The following ANK2 variants were observed in gnomAD, a reference collection of about 807,000 sequenced individuals.
The protein encoded by ANK2 is ankyrin-2.
Under a neutral mutation model 360.5 loss-of-function variants are expected in ANK2, and 83 were observed. That is an observed-to-expected ratio of 0.23 (90% CI 0.19 to 0.28). ANK2 has a LOEUF of 0.28. ANK2 is among the 10% of genes least tolerant of loss of function. The pLI, the probability that ANK2 is intolerant of heterozygous loss-of-function variation, is 1.00. For missense variants in ANK2, 4,201 were observed against 4,795.7 expected, an observed-to-expected ratio of 0.88 and a Z score of 3.66; for synonymous variants, 1,740 against 1,759.5, an observed-to-expected ratio of 0.99 and a Z score of 0.28.
intron 1 of ANK2, among the ~76,000 whole-genome samples, chr4:112,851,452 TC>T (rs2064973698): frequency 1.3e-5 from 2 of 152,054 alleles, no homozygotes; most frequent in South Asian, 4.1e-4. Context: ...TCCCATACCT[TC>T]TGTGGCTATC....
At chr4:112,739,069 A>T in the ANK2 span, 1 of 556,466 alleles carries the variant, frequency 1.8e-6, no homozygotes, top group Non-Finnish European at 3.4e-6. Context: ...AGAGTCACCA[A>T]CCCCAATGCC....
chr4:113,184,406 G>T lies in ANK2; in HGVS notation c.186+9889G>T, dbSNP rs554170366. Among the ~76,000 whole-genome samples the T allele has an allele frequency of 2.0e-5, 3 of 152,146 alleles. No homozygotes were observed. In the South Asian group the frequency reaches 6.2e-4, roughly 32 times the overall value. On this transcript the variant is annotated intron_variant, in intron 2 of 45. Coordinates refer to ENST00000357077, the MANE Select transcript of ANK2 (RefSeq NM_001148.6). ...TGTGACTTTGTGGAAACTATCTGGA[G>T]AAAGAAGTGGAGGGAATCTCTCCAG...
intron 17 of ANK2, 44 bp from the exon 18 acceptor site, chr4:113,282,631 T>C: frequency 6.7e-7 from 1 of 1,488,384 alleles, no homozygotes; most frequent in Non-Finnish European, 9.3e-7. Flanking sequence ...GAGCAATTGT[T>C]AATCTTACTC....
chr4:112,859,399 AT>A (rs1458270906), intron 1 of ANK2, among the ~76,000 whole-genome samples: 1 of 152,196 alleles, frequency 6.6e-6, no homozygotes, highest in Non-Finnish European at 1.5e-5. Flanking sequence ...AATTCCTGCT[AT>A]TCTTACGTGG....
chr4:113,348,101 C>A (rs2095068673), intron 35 of ANK2, 175 bp from the exon 36 acceptor site: 2 of 645,202 alleles, frequency 3.1e-6, no homozygotes, highest in Non-Finnish European at 5.5e-6. Context: ...AGCCAATCTT[C>A]TTTTCTGCCT....
At chr4:113,087,002 C>T (rs956075337) in intron 1 of ANK2, among the ~76,000 whole-genome samples, 25 of 152,142 alleles carry the variant, frequency 1.6e-4, no homozygotes, top group African/African-American at 6.0e-4. Flanking sequence ...GATAGGAATA[C>T]AGACCTGACC....
At position 113,263,187 on chromosome 4, in the gene ANK2, G is replaced by GAAAAAA. The variant is rs762758720; in HGVS notation, c.1387-1694_1387-1689dup. ...TGGGAAACAGAGCAAGACTCTGTCT[G>GAAAAAA]AAAAAAAAAAAAAAAAAAAAAGAAG... On this transcript the variant is annotated intron_variant, in intron 13 of 45. Coordinates refer to ENST00000357077, the MANE Select transcript of ANK2 (RefSeq NM_001148.6). Among the ~76,000 whole-genome samples the GAAAAAA allele has an allele frequency of 1.1e-4, 7 of 63,626 alleles. No homozygotes were observed. In the East Asian group the frequency reaches 1.9e-3, roughly 17 times the overall value. 41.7% of individuals were successfully genotyped at this position (63,626 alleles called of 152,430 possible).
At chr4:113,235,985 G>T (rs1021417273) in intron 5 of ANK2, among the ~76,000 whole-genome samples, 2 of 151,396 alleles carry the variant, frequency 1.3e-5, no homozygotes, top group Non-Finnish European at 2.9e-5. Context: ...TGATCTGCCC[G>T]CCTCGGCCTC....
intron 29 of ANK2, 88 bp downstream of exon 29, chr4:113,333,296 A>ATG (rs754068674): frequency 5.5e-5 from 76 of 1,387,126 alleles, no homozygotes; most frequent in Middle Eastern, 1.9e-4. Context: ...GGGTGTGTGT[A>ATG]TATGTGTGTG....
At chr4:113,105,053 G>T (rs371612804) in intron 1 of ANK2, among the ~76,000 whole-genome samples, 2 of 152,040 alleles carry the variant, frequency 1.3e-5, no homozygotes, top group African/African-American at 4.8e-5. Context: ...TTCATGACAG[G>T]GGTGCCCTAG....
intron 5 of ANK2, among the ~76,000 whole-genome samples, chr4:113,233,664 G>T (rs2099348355): frequency 6.6e-6 from 1 of 152,050 alleles, no homozygotes; most frequent in Admixed American, 6.5e-5. Flanking sequence ...CAGTCCCTTT[G>T]GGAGAAAACT....
chr4:113,011,075 T>C (rs570774009), intron 2 of ANK2, among the ~76,000 whole-genome samples: 5 of 152,120 alleles, frequency 3.3e-5, no homozygotes, highest in East Asian at 1.9e-4. Flanking sequence ...AAATAAGTTA[T>C]ATATAAACTT....
chr4:112,708,558 T>A, the ANK2 span, among the ~76,000 whole-genome samples: 2 of 152,310 alleles, frequency 1.3e-5, no homozygotes, highest in African/African-American at 2.4e-5. Flanking sequence ...GGGGATTCAT[T>A]TATTCAACAG....
chr4:112,973,571 GGTAA>G (rs1344190915), intron 2 of ANK2, among the ~76,000 whole-genome samples: 11 of 152,296 alleles, frequency 7.2e-5, no homozygotes, highest in African/African-American at 2.4e-4. Flanking sequence ...ATAGAGAGCT[GGTAA>G]GTGTTTTCTC....
chr4:113,345,625 A>G (rs565420563), intron 34 of ANK2, among the ~76,000 whole-genome samples: 10 of 152,192 alleles, frequency 6.6e-5, no homozygotes, highest in African/African-American at 2.4e-4. Context: ...TGATACGCTA[A>G]TCATTTCACA....
chr4:113,212,606 A>G (rs902191267), intron 4 of ANK2, among the ~76,000 whole-genome samples: 1 of 152,228 alleles, frequency 6.6e-6, no homozygotes, highest in African/African-American at 2.4e-5. Flanking sequence ...GTCAAATTTC[A>G]GCTCTTCTGC....
chr4:112,833,238 G>T (rs1030921735), intron 1 of ANK2, among the ~76,000 whole-genome samples: 1 of 152,200 alleles, frequency 6.6e-6, no homozygotes, highest in Non-Finnish European at 1.5e-5. Flanking sequence ...AGTGGGTAAG[G>T]GGAGGAAATA....
At position 113,082,160 on chromosome 4, in the gene ANK2, A is replaced by G. The variant is rs568102655; in HGVS notation, c.84+32348A>G. ...TTCTATTAATAAGATTTTACTGCAT[A>G]TAGGTAATACTACTTACCAAATTAC... On this transcript the variant is annotated intron_variant, in intron 1 of 45. Coordinates refer to ENST00000357077, the MANE Select transcript of ANK2 (RefSeq NM_001148.6). Among the ~76,000 whole-genome samples the G allele has an allele frequency of 7.5e-4, 114 of 152,334 alleles. 1 individual carries two copies. Among genetic ancestry groups the G allele is most frequent in the Admixed American group, 5.4e-3 (83 of 15,298 alleles).
At chr4:113,248,740 G>C (rs745897442) in intron 9 of ANK2, among the ~76,000 whole-genome samples, 1 of 152,284 alleles carries the variant, frequency 6.6e-6, no homozygotes, top group African/African-American at 2.4e-5. Context: ...GGCCATTTGA[G>C]TTCTGGATAA....
Sources: gnomAD v4.1 joint callset for allele counts (sites outside exome capture counted in the v4.1 genomes callset) on GRCh38, gnomAD v4.1.1 for gene constraint, MANE v1.5 for transcripts, NCBI Gene and HGNC (gene_info 2026-07-23, HGNC 2026-07-21) for gene names.